The following DOK5 variants were observed in gnomAD, a reference collection of about 807,000 sequenced individuals.
DOK5 encodes the protein downstream of tyrosine kinase 5.
A neutral mutation model predicts 43.3 loss-of-function variants in DOK5; 27 were observed. The observed-to-expected ratio is 0.62, with a 90% CI of 0.46 to 0.86. The LOEUF (loss-of-function observed/expected upper bound fraction) is 0.86. Among genes scored for constraint, DOK5 ranks in the 40% least tolerant of loss-of-function variants. DOK5 has a pLI of 0.00. For synonymous variants in DOK5, 146 were observed against 140.1 expected, an observed-to-expected ratio of 1.04 and a Z score of -0.30; for missense variants, 373 against 392.9, an observed-to-expected ratio of 0.95 and a Z score of 0.43.
At chr20:54,542,672 C>G (rs919152593) in intron 1 of DOK5, among the ~76,000 whole-genome samples, 10 of 152,118 alleles carry the variant, frequency 6.6e-5, no homozygotes, top group Non-Finnish European at 8.8e-5. Flanking sequence ...ACACATACTA[C>G]AGGACATATA....
chr20:54,618,652 A>G (rs933598167), intron 6 of DOK5, among the ~76,000 whole-genome samples: 2 of 152,144 alleles, frequency 1.3e-5, no homozygotes, highest in African/African-American at 4.8e-5. Context: ...CGGTCTCAGC[A>G]TTTTCAAATG....
intron 1 of DOK5, among the ~76,000 whole-genome samples, chr20:54,491,820 T>C (rs6091894): frequency 0.015 from 2,309 of 152,232 alleles, 51 homozygotes; most frequent in African/African-American, 0.053. Flanking sequence ...TACCATGACT[T>C]GTATCAGATC....
At chr20:54,617,079 T>C (rs941440442) in intron 6 of DOK5, among the ~76,000 whole-genome samples, 1 of 152,134 alleles carries the variant, frequency 6.6e-6, no homozygotes, top group Non-Finnish European at 1.5e-5. Context: ...CGTGAGCCAC[T>C]GCGCCCAGCC....
In DOK5 at chr20:54,475,995, C is replaced by T. The variant is rs1322345638; in HGVS notation, c.49C>T (p.Arg17Trp). The T allele has an allele frequency of 1.2e-6, 2 of 1,613,416 alleles. No homozygotes were observed. The highest frequency in any genetic ancestry group is 1.7e-6 in the Non-Finnish European group (2 of 1,179,928). The change falls in exon 1 of 8, where the codon CGG (arginine) becomes TGG (tryptophan). Residue 17 changes from arginine (R) to tryptophan (W), a missense_variant. By Grantham distance (101) the Arg-to-Trp change is moderately radical (BLOSUM62 -3). Transcript: ENST00000262593. The surrounding 1 kb of genome is among the most constrained non-coding windows in gnomAD (Gnocchi z 4.2). Reference sequence around the variant, plus strand: ...AGTGAAGCAAGGGTACGTGAGGATCCGGAGCAGACGCCTCGGGGTGAGTAT... The same window carrying T: ...AGTGAAGCAAGGGTACGTGAGGATCTGGAGCAGACGCCTCGGGGTGAGTAT... ...DIVKQGYVRI[R>W]SRRLGIYQRC...
At chr20:54,637,572 T>C (rs966203222) in intron 6 of DOK5, among the ~76,000 whole-genome samples, 5 of 152,258 alleles carry the variant, frequency 3.3e-5, no homozygotes, top group Non-Finnish European at 5.9e-5. Flanking sequence ...TCGAGTGAAG[T>C]AGTCTTATTG....
chr20:54,648,584 G>A (rs1600768771), intron 7 of DOK5, among the ~76,000 whole-genome samples: 1 of 152,110 alleles, frequency 6.6e-6, no homozygotes, highest in South Asian at 2.1e-4. Flanking sequence ...AAGGCCCTGA[G>A]TCAGAAATGA....
At chr20:54,643,423 T>C (rs761419915) in intron 6 of DOK5, 35 bp from the exon 7 acceptor site, 3 of 1,609,840 alleles carry the variant, frequency 1.9e-6, no homozygotes, top group Non-Finnish European at 2.5e-6. Context: ...GGCCCCAGTG[T>C]TGCTGACGCA....
chr20:54,578,988 A>C (rs746425975), intron 2 of DOK5, among the ~76,000 whole-genome samples: 16 of 152,218 alleles, frequency 1.1e-4, no homozygotes, highest in Non-Finnish European at 1.5e-4. Context: ...GGGTGATTAT[A>C]TGACATTATT....
intron 6 of DOK5, among the ~76,000 whole-genome samples, chr20:54,612,282 A>T (rs1462948812): frequency 6.6e-6 from 1 of 152,148 alleles, no homozygotes; most frequent in South Asian, 2.1e-4. Flanking sequence ...GCCAGTGCTG[A>T]CGTAAGCATT....
intron 6 of DOK5, among the ~76,000 whole-genome samples, chr20:54,629,399 T>C (rs1386746595): frequency 6.6e-6 from 1 of 152,164 alleles, no homozygotes; most frequent in African/African-American, 2.4e-5. Context: ...TAACATGATA[T>C]AAAATATAAA....
intron 1 of DOK5, chr20:54,476,221 T>C (rs1981419292): frequency 2.0e-6 from 2 of 985,142 alleles, no homozygotes; most frequent in Non-Finnish European, 2.4e-6. Context: ...CTTGGATGAC[T>C]TGGCTTTCTG....
In DOK5 at chr20:54,610,474, C is replaced by T; in HGVS notation, c.686C>T (p.Ala229Val). The stretch of plus-strand genomic sequence containing the variant: ...CAGAAAGTCCACTCTGCTGCCTTGG[C>T]CATAGCCGAGCAGCACGAGCGCTTG... ...IYQKVHSAAL[A>V]IAEQHERLLQ... The change falls in exon 6 of 8, where the codon GCC becomes GTC. Residue 229 changes from alanine (A) to valine (V), a missense_variant. Physicochemically the swap from Ala to Val is moderately conservative, Grantham distance 64 (BLOSUM62 0). Transcript: ENST00000262593. 1.3e-6 allele frequency: 2 copies of T among 1,580,392 alleles called. No individual in the cohort carries two copies. Among genetic ancestry groups the T allele is most frequent in the Non-Finnish European group, 1.7e-6 (2 of 1,164,138 alleles).
chr20:54,637,845 G>A (rs538071379), intron 6 of DOK5, among the ~76,000 whole-genome samples: 22 of 152,188 alleles, frequency 1.4e-4, no homozygotes, highest in Admixed American at 9.8e-4. Flanking sequence ...TACTTTGGCC[G>A]GGCGCGGTGG....
intron 1 of DOK5, among the ~76,000 whole-genome samples, chr20:54,506,476 A>G (rs1008043776): frequency 3.3e-5 from 5 of 152,090 alleles, no homozygotes; most frequent in African/African-American, 9.7e-5. Context: ...AATGTATTTT[A>G]TTGAGACAGG....
chr20:54,640,614 G>A (rs1474711153), intron 6 of DOK5, among the ~76,000 whole-genome samples: 6 of 152,162 alleles, frequency 3.9e-5, no homozygotes, highest in Non-Finnish European at 5.9e-5. Context: ...GCTTTGTACC[G>A]TTCTCCTCTT....
chr20:54,597,126 T>A (rs552411488), intron 5 of DOK5, among the ~76,000 whole-genome samples: 65 of 152,274 alleles, frequency 4.3e-4, no homozygotes, highest in African/African-American at 1.5e-3. Context: ...TAACAAAATA[T>A]GTACAATATA....
At chr20:54,559,469 AG>A (rs1984827767) in intron 2 of DOK5, among the ~76,000 whole-genome samples, 2 of 152,254 alleles carry the variant, frequency 1.3e-5, no homozygotes, top group Non-Finnish European at 2.9e-5. Flanking sequence ...CAGAAGGACA[AG>A]TCCAGCAAAT....
intron 2 of DOK5, among the ~76,000 whole-genome samples, chr20:54,572,457 C>T (rs929720272): frequency 1.8e-4 from 27 of 151,924 alleles, no homozygotes; most frequent in Admixed American, 1.2e-3. Flanking sequence ...CCACCGCATC[C>T]GGCCGCAACA....
chr20:54,562,576 G>T lies in DOK5; in HGVS notation c.174+7536G>T, dbSNP rs191075362. On this transcript the variant is annotated intron_variant, in intron 2 of 7. Coordinates refer to ENST00000262593, the MANE Select transcript of DOK5 (RefSeq NM_018431.5). ...TGGAACTACAGGCGTGCGCCACCATGCCCAGCTGATTTTTTATTATTTGTA... is the reference window on the plus strand; with the variant it reads ...TGGAACTACAGGCGTGCGCCACCATTCCCAGCTGATTTTTTATTATTTGTA... Among the ~76,000 whole-genome samples the T allele has an allele frequency of 1.5e-3, 224 of 152,156 alleles. 3 individuals are homozygous for T. In the Middle Eastern group the frequency reaches 0.02, roughly 14 times the overall value.
Sources: gnomAD v4.1 joint callset for allele counts (sites outside exome capture counted in the v4.1 genomes callset) on GRCh38, gnomAD v4.1.1 for gene constraint, Gnocchi (gnomAD v3.1) non-coding constraint, MANE v1.5 for transcripts, NCBI Gene and HGNC (gene_info 2026-07-23, HGNC 2026-07-21) for gene names.